The following OSTF1 variants were observed in gnomAD, a reference collection of about 807,000 sequenced individuals.
OSTF1 encodes osteoclast stimulating factor 1.
A neutral mutation model predicts 37.2 loss-of-function variants in OSTF1; 27 were observed. That is an observed-to-expected ratio of 0.73 (90% CI 0.54 to 1.00). The LOEUF is 1.00. Among genes scored for constraint, OSTF1 ranks in the 50% least tolerant of loss-of-function variants. The pLI is 0.00. For missense variants in OSTF1, 232 were observed against 253.8 expected (o/e 0.91, Z 0.58); for synonymous variants, 82 against 89.2 (o/e 0.92, Z 0.46).
chr9:75,101,672 AG>A (rs1319125370), intron 1 of OSTF1, among the ~76,000 whole-genome samples: 1 of 152,080 alleles, frequency 6.6e-6, no homozygotes, highest in Non-Finnish European at 1.5e-5. Context: ...CTATGTCCAA[AG>A]TTTGTATTAT....
intron 1 of OSTF1, among the ~76,000 whole-genome samples, chr9:75,090,954 T>A (rs1436001824): frequency 6.6e-6 from 1 of 152,226 alleles, no homozygotes; most frequent in Non-Finnish European, 1.5e-5. Flanking sequence ...ATTATATTGT[T>A]CCTGTTGCAC....
At chr9:75,133,887 T>A (rs1428596802) in intron 6 of OSTF1, among the ~76,000 whole-genome samples, 1 of 152,200 alleles carries the variant, frequency 6.6e-6, no homozygotes, top group African/African-American at 2.4e-5. Flanking sequence ...AATTTTTAGA[T>A]GTATTTCTTC....
At chr9:75,096,060 T>A (rs1473852548) in intron 1 of OSTF1, among the ~76,000 whole-genome samples, 2 of 152,064 alleles carry the variant, frequency 1.3e-5, no homozygotes, top group African/African-American at 4.8e-5. Flanking sequence ...CCTGGCTAAT[T>A]TTTGGTATTT....
At chr9:75,139,057 T>TCTTTCTTTCTTTCC (rs1554774439) in intron 8 of OSTF1, among the ~76,000 whole-genome samples, 1 of 138,516 alleles carries the variant, frequency 7.2e-6, no homozygotes, top group African/African-American at 3.1e-5. Context: ...TTTCTTTCTT[T>TCTTTCTTTCTTTCC]TTTTTTTGAA....
At position 75,093,325 on chromosome 9, in the gene OSTF1, A is replaced by G. The variant is rs79134248; in HGVS notation, c.34+4599A>G. ...AGCGTGAATCTGTCTGGCTTGTTAGAGTGTAGAAGTGTAGAAAACAGAACT... is the reference window on the plus strand; with the variant it reads ...AGCGTGAATCTGTCTGGCTTGTTAGGGTGTAGAAGTGTAGAAAACAGAACT... On this transcript the variant is annotated intron_variant, in intron 1 of 9. Transcript: ENST00000346234. Among the ~76,000 whole-genome samples, 1,230 of 152,270 alleles carry G rather than the reference A, an allele frequency of 8.1e-3. 7 individuals are homozygous for G. The highest frequency in any genetic ancestry group is 0.015 in the Admixed American group (229 of 15,300).
At chr9:75,141,329 A>G (rs1825940775) in intron 9 of OSTF1, among the ~76,000 whole-genome samples, 1 of 151,168 alleles carries the variant, frequency 6.6e-6, no homozygotes, top group Non-Finnish European at 1.5e-5. Context: ...AAAAAAAAAA[A>G]AAAAAAAAAA....
At chr9:75,114,855 C>T (rs1310260878) in intron 1 of OSTF1, among the ~76,000 whole-genome samples, 1 of 152,166 alleles carries the variant, frequency 6.6e-6, no homozygotes, top group African/African-American at 2.4e-5. Flanking sequence ...TGCCTGGCCT[C>T]AGACTTTTTA....
At chr9:75,139,818 ATG>A (rs1825911591) in intron 8 of OSTF1, among the ~76,000 whole-genome samples, 1 of 152,214 alleles carries the variant, frequency 6.6e-6, no homozygotes, top group East Asian at 1.9e-4. Context: ...AGAGACTAGT[ATG>A]AAAAGCAATC....
chr9:75,102,187 C>G (rs57671258), intron 1 of OSTF1, among the ~76,000 whole-genome samples: 5,833 of 152,256 alleles, frequency 0.038, 153 homozygotes, highest in African/African-American at 0.071. Context: ...GTTGCCCAGG[C>G]TGATCCTGAA....
chr9:75,090,551 A>T (rs1824954014), intron 1 of OSTF1, among the ~76,000 whole-genome samples: 1 of 152,196 alleles, frequency 6.6e-6, no homozygotes, highest in African/African-American at 2.4e-5. Context: ...AATCAACATT[A>T]ATTTACAAAT....
At chr9:75,137,912 T>C (rs938598867) in intron 8 of OSTF1, among the ~76,000 whole-genome samples, 5 of 152,204 alleles carry the variant, frequency 3.3e-5, no homozygotes, top group African/African-American at 9.6e-5. Flanking sequence ...AAACAAAGAA[T>C]GTATGTGTAC....
intron 1 of OSTF1, among the ~76,000 whole-genome samples, chr9:75,109,712 T>C (rs1400112774): frequency 6.6e-6 from 1 of 152,182 alleles, no homozygotes; most frequent in East Asian, 1.9e-4. Flanking sequence ...GGAAGGGATT[T>C]CTAGTTATGT....
At chr9:75,109,800 A>G (rs1825353014) in intron 1 of OSTF1, among the ~76,000 whole-genome samples, 2 of 152,174 alleles carry the variant, frequency 1.3e-5, no homozygotes, top group Admixed American at 6.5e-5. Context: ...CCACCAAACA[A>G]TTTTCTATAG....
At chr9:75,100,572 A>G (rs1321997241) in intron 1 of OSTF1, among the ~76,000 whole-genome samples, 1 of 152,068 alleles carries the variant, frequency 6.6e-6, no homozygotes, top group African/African-American at 2.4e-5. Context: ...TCTACTAAAA[A>G]TACAAAAATT....
chr9:75,136,767 T>C (rs2376399), intron 7 of OSTF1, among the ~76,000 whole-genome samples: 116,440 of 152,040 alleles, frequency 0.77, 44,769 homozygotes, highest in African/African-American at 0.81. Flanking sequence ...GGCTTCTCCA[T>C]AGGGTGATGT....
At chr9:75,134,224 A>T (rs1442947958) in intron 6 of OSTF1, 122 bp from the exon 7 acceptor site, 13 of 515,434 alleles carry the variant, frequency 2.5e-5, no homozygotes, top group Non-Finnish European at 4.2e-5. Context: ...ATTTTACAAA[A>T]TGTGTTAACA....
At chr9:75,138,030 A>G (rs183856117) in intron 8 of OSTF1, among the ~76,000 whole-genome samples, 329 of 152,326 alleles carry the variant, frequency 2.2e-3, no homozygotes, top group African/African-American at 7.5e-3. Context: ...TGCGGCTGCA[A>G]TGTCCTGCTT....
At chr9:75,137,289 A>G (rs560140550) in intron 7 of OSTF1, among the ~76,000 whole-genome samples, 1 of 152,236 alleles carries the variant, frequency 6.6e-6, no homozygotes, top group South Asian at 2.1e-4. Context: ...CTCCGCAGGC[A>G]TGTGCTTTTC....
At chr9:75,104,537 C>T (rs1000337788) in intron 1 of OSTF1, among the ~76,000 whole-genome samples, 6 of 151,942 alleles carry the variant, frequency 3.9e-5, no homozygotes, top group East Asian at 1.9e-4. Context: ...GAGACCCTGT[C>T]GCTAAAATTA....
Sources: gnomAD v4.1 joint callset for allele counts (sites outside exome capture counted in the v4.1 genomes callset) on GRCh38, gnomAD v4.1.1 for gene constraint, MANE v1.5 for transcripts, NCBI Gene and HGNC (gene_info 2026-07-23, HGNC 2026-07-21) for gene names.